The following NBPF14 variants were observed in gnomAD, a reference collection of about 807,000 sequenced individuals.
NBPF14 encodes the protein NBPF member 14.
Under a neutral mutation model 91.2 loss-of-function variants are expected in NBPF14, and 104 were observed. The ratio of observed to expected loss-of-function variants is 1.14; its 90% CI spans 0.97 to 1.34. NBPF14 has a LOEUF of 1.34. Among genes scored for constraint, NBPF14 ranks in the 40% most tolerant of loss-of-function variants. NBPF14 has a pLI of 0.00. For synonymous variants in NBPF14, 294 were observed against 303.8 expected (o/e 0.97, Z 0.34); for missense variants, 908 against 783.0 (o/e 1.16, Z -1.91).
rs1299290637 is a variant in NBPF14, at chr1:148,534,776, C to A, written c.8522G>T (p.Gly2841Val). Residue 2841 changes from glycine (G) to valine (V), a missense_variant, in exon 69 of 71, where the codon GGT becomes GTT. Gly to Val is a moderately radical substitution (Grantham distance 109). Coordinates refer to ENST00000619423, the Ensembl canonical transcript of NBPF14. Reference sequence around the variant, plus strand: ...GCCTAAGTCAGGCAGTTCAAGATAACCTGAAGGAGTCGAATAACATCTATC... The same window carrying A: ...GCCTAAGTCAGGCAGTTCAAGATAAACTGAAGGAGTCGAATAACATCTATC... 2.0e-5 allele frequency: 17 copies of A among 843,246 alleles called. 1 individual carries two copies. Among genetic ancestry groups the A allele is most frequent in the African/African-American group, 9.3e-5 (5 of 53,808 alleles). 52.2% of individuals were successfully genotyped at this position (843,246 alleles called of 1,614,324 possible).
In NBPF14 at chr1:148,576,128, T is replaced by G. The variant is rs1445016840; in HGVS notation, c.2078+282A>C. Reference sequence around the variant, plus strand: ...CGGGACACACAGCGAACAGTGATCATGAAAAGAGTGGGCTCAATAATTTTC... The same window carrying G: ...CGGGACACACAGCGAACAGTGATCAGGAAAAGAGTGGGCTCAATAATTTTC... On this transcript the variant is annotated intron_variant, in intron 16 of 70. Coordinates refer to ENST00000619423, the Ensembl canonical transcript of NBPF14. 3.0e-4 allele frequency among the ~76,000 whole-genome samples: 35 copies of G among 115,900 alleles called. No individual in the cohort carries two copies. In the East Asian group the frequency reaches 6.2e-3, roughly 21 times the overall value. 76.0% of individuals were successfully genotyped at this position (115,900 alleles called of 152,430 possible). A position where few individuals can be genotyped will look rare whatever the true frequency, so the allele number is the denominator to read the frequency against.
chr1:148,572,590 TCTCATCCAGCAGCTCCCTG>T lies in NBPF14; in HGVS notation c.2592_2610del (p.Ser864ArgfsTer27), dbSNP rs1659257834. On this transcript the variant is annotated frameshift_variant, in exon 21 of 71. Transcript: ENST00000619423. LOFTEE classifies it high-confidence loss of function. ...GAGTCCTGCAAGACTTCAGGCTCTT[TCTCATCCAGCAGCTCCCTG>T]CTGAGCCTGGAAAAGTGGGAAAAAG... The T allele has an allele frequency of 4.8e-6, 3 of 624,372 alleles. No homozygotes were observed. The highest frequency in any genetic ancestry group is 8.5e-6 in the Non-Finnish European group (3 of 354,726). The allele number at this position is 624,372 out of a possible 1,614,324, so 38.7% of individuals were successfully genotyped here.
chr1:148,569,033 GCCACAGGCA>G (rs1285570109), intron 25 of NBPF14, among the ~76,000 whole-genome samples: 2 of 117,992 alleles, frequency 1.7e-5, no homozygotes, highest in Non-Finnish European at 3.5e-5. Flanking sequence ...GGATTAGGGC[GCCACAGGCA>G]TGGCCTGAGA....
intron 68 of NBPF14, 40 bp downstream of exon 68, chr1:148,535,413 G>T (rs1570909901): frequency 4.0e-6 from 2 of 504,684 alleles, no homozygotes; most frequent in Non-Finnish European, 6.8e-6. Context: ...ATCTCCAGGT[G>T]TCAACACAGA....
intron 2 of NBPF14, 112 bp from the exon 3 acceptor site, chr1:148,593,812 C>T (rs1662881942): frequency 9.6e-7 from 1 of 1,037,486 alleles, no homozygotes; most frequent in Non-Finnish European, 1.5e-6. Context: ...TCCCCAGTAC[C>T]ACGGTCTAGA....
chr1:148,577,628 G>A (rs1660129653), intron 14 of NBPF14, among the ~76,000 whole-genome samples: 2 of 149,796 alleles, frequency 1.3e-5, no homozygotes, highest in Non-Finnish European at 2.9e-5. Flanking sequence ...ACACACTGAT[G>A]AGGGAGTCAA....
intron 12 of NBPF14, among the ~76,000 whole-genome samples, chr1:148,581,087 TGTGA>T (rs1161073822): frequency 9.4e-5 from 9 of 96,008 alleles, no homozygotes; most frequent in African/African-American, 2.3e-4. Flanking sequence ...AATTCCCACC[TGTGA>T]GTAAGAACAT....
intron 69 of NBPF14, 103 bp from the exon 70 acceptor site, chr1:148,534,072 T>G (rs1378030801): frequency 3.3e-6 from 2 of 600,288 alleles, no homozygotes; most frequent in Non-Finnish European, 5.9e-6. Flanking sequence ...CTCCTCAGCA[T>G]AAGAATAGGA....
chr1:148,533,880 G>C (rs1407004656), exon 70 of NBPF14: 35 of 762,286 alleles, frequency 4.6e-5, no homozygotes, highest in East Asian at 3.6e-4. Flanking sequence ...GGTGGGTTTT[G>C]ATCTTCTTCC....
At chr1:148,580,316 T>TA (rs1433678540) in intron 12 of NBPF14, among the ~76,000 whole-genome samples, 2 of 131,266 alleles carry the variant, frequency 1.5e-5, no homozygotes, top group South Asian at 2.7e-4. Context: ...CAAGCTTCAG[T>TA]AGCCAATTCG....
intron 39 of NBPF14, 101 bp from the exon 40 acceptor site, chr1:148,557,643 C>T: frequency 8.4e-6 from 5 of 591,966 alleles, no homozygotes; most frequent in South Asian, 1.8e-5. Flanking sequence ...GGCTCCTCAG[C>T]ATGAGAACAG....
At chr1:148,534,506 C>T (rs1232743271) in intron 69 of NBPF14, among the ~76,000 whole-genome samples, 178 bp downstream of exon 69, 3 of 151,740 alleles carry the variant, frequency 2.0e-5, no homozygotes, top group South Asian at 2.1e-4. Context: ...GCTCACTGAC[C>T]CATTTCATGT....
intron 13 of NBPF14, among the ~76,000 whole-genome samples, 167 bp downstream of exon 13, chr1:148,578,907 C>G (rs1223939153): frequency 6.8e-6 from 1 of 147,988 alleles, no homozygotes; most frequent in Non-Finnish European, 1.5e-5. Flanking sequence ...CACCCCATGC[C>G]TGTGCTTCAG....
At chr1:148,534,607 G>C (rs1228489590) in intron 69 of NBPF14, 77 bp downstream of exon 69, 18 of 905,718 alleles carry the variant, frequency 2.0e-5, no homozygotes, top group Non-Finnish European at 3.0e-5. Flanking sequence ...GGTGAGTAAG[G>C]GCCACTTGGA....
rs1167097729 is a variant in NBPF14 at position 148,534,579 on chromosome 1, C to G, written c.8614+105G>C. On this transcript the variant is annotated intron_variant, in intron 69 of 70. Coordinates refer to ENST00000619423, the Ensembl canonical transcript of NBPF14. ...TATATGCGCCCATAGGTCCTGCCTG[C>G]GGCAATGACATCTCTCGGGTGAGTA... is the stretch of plus-strand genomic sequence containing the variant. The G allele has an allele frequency of 2.0e-5, 16 of 816,864 alleles. 1 individual carries two copies. The highest frequency in any genetic ancestry group is 1.4e-4 in the Admixed American group (8 of 56,950). 50.6% of individuals were successfully genotyped at this position (816,864 alleles called of 1,614,324 possible). A position where few individuals can be genotyped will look rare whatever the true frequency, so the allele number is the denominator to read the frequency against.
chr1:148,592,597 C>A lies in NBPF14; in HGVS notation c.448G>T (p.Glu150Ter). The A allele has an allele frequency of 6.5e-7, 1 of 1,543,314 alleles. No individual in the cohort carries two copies. The highest frequency in any genetic ancestry group is 8.9e-7 in the Non-Finnish European group (1 of 1,122,620). ...AGGTGCTGTGCCAGTCTACACCCCTCAGCCAGCTGTTCTTGGAGGTCCTGC... is the reference window on the plus strand; with the variant it reads ...AGGTGCTGTGCCAGTCTACACCCCTAAGCCAGCTGTTCTTGGAGGTCCTGC... Residue 150 changes from glutamate to a stop codon, truncating the protein, a stop_gained, in exon 4 of 71, where the codon GAG becomes TAG. Coordinates refer to ENST00000619423, the Ensembl canonical transcript of NBPF14. LOFTEE classifies it high-confidence loss of function.
intron 6 of NBPF14, among the ~76,000 whole-genome samples, chr1:148,590,143 G>C (rs1299686072): frequency 2.8e-5 from 4 of 141,204 alleles, no homozygotes; most frequent in African/African-American, 1.0e-4. Flanking sequence ...CCGGTTCCTG[G>C]GTTCATGCCA....
intron 6 of NBPF14, among the ~76,000 whole-genome samples, chr1:148,590,032 G>C (rs1172043472): frequency 2.3e-4 from 30 of 132,992 alleles, no homozygotes; most frequent in Non-Finnish European, 3.9e-4. Context: ...CCCCTGGTCA[G>C]AGACTTACTT....
At chr1:148,542,171 G>T (rs1457023508) in intron 59 of NBPF14, among the ~76,000 whole-genome samples, 2 of 104,122 alleles carry the variant, frequency 1.9e-5, no homozygotes, top group Non-Finnish European at 3.4e-5. Flanking sequence ...GCAATATTTA[G>T]CCCTGTCTCA....
Sources: allele counts gnomAD v4.1 joint callset (sites outside exome capture counted in the v4.1 genomes callset), GRCh38; gene constraint gnomAD v4.1.1; transcripts MANE v1.5; gene names NCBI Gene and HGNC (gene_info 2026-07-23, HGNC 2026-07-21).